CCDC15: variants seen among roughly 807,000 people sequenced by gnomAD.
CCDC15 encodes the protein coiled-coil domain-containing protein 15.
A neutral mutation model predicts 114.5 loss-of-function variants in CCDC15; 105 were observed. That is an observed-to-expected ratio of 0.92 (90% CI 0.78 to 1.08). The LOEUF (loss-of-function observed/expected upper bound fraction) is 1.08, where lower values mean the gene tolerates loss of function less well. Ranked by LOEUF, CCDC15 falls within the 50% of genes least tolerant of loss-of-function variation. CCDC15 has a pLI of 0.00. For missense variants in CCDC15, 1,105 were observed against 1,093.6 expected, an observed-to-expected ratio of 1.01 and a Z score of -0.15; for synonymous variants, 334 against 377.8, an observed-to-expected ratio of 0.88 and a Z score of 1.34.
At chr11:124,962,677 C>A (rs928958503) in intron 4 of CCDC15, among the ~76,000 whole-genome samples, 2 of 148,758 alleles carry the variant, frequency 1.3e-5, no homozygotes. Context: ...ACTTTAAATT[C>A]TAGGGTGCAT....
chr11:125,011,657 G>A (rs4353290), intron 13 of CCDC15, among the ~76,000 whole-genome samples: 127,053 of 152,220 alleles, frequency 0.83, 53,624 homozygotes, highest in African/African-American at 0.96. Context: ...TCATTTATTT[G>A]TAGTTTATTC....
At chr11:124,954,702 G>C (rs941909207) in intron 1 of CCDC15, 22 bp from the exon 2 acceptor site, 3 of 1,609,004 alleles carry the variant, frequency 1.9e-6, no homozygotes, top group Non-Finnish European at 2.6e-6. Context: ...AAGATTTTAA[G>C]CTTTTTCTTT....
chr11:125,011,245 A>ATT lies in CCDC15; in HGVS notation c.2411+6034_2411+6035dup, dbSNP rs774447198. Among the ~76,000 whole-genome samples the ATT allele has an allele frequency of 1.9e-4, 28 of 146,440 alleles. 1 individual carries two copies. The highest frequency in any genetic ancestry group is 6.3e-4 in the African/African-American group (25 of 39,646). ...TATTATTATTATTATTATTATTATTATTATTTTTTAAGATGGAGTTTCACT... is the reference window on the plus strand; with the variant it reads ...TATTATTATTATTATTATTATTATTATTTTATTTTTTAAGATGGAGTTTCACT... On this transcript the variant is annotated intron_variant, in intron 13 of 15. Transcript: ENST00000344762.
At position 125,038,966 on chromosome 11, in the gene CCDC15, G is replaced by T; in HGVS notation, c.2631G>T (p.Leu877=). The T allele has an allele frequency of 6.2e-7, 1 of 1,613,478 alleles. No homozygotes were observed. The highest frequency in any genetic ancestry group is 8.5e-7 in the Non-Finnish European group (1 of 1,179,574). The change falls in exon 15 of 16, where the codon CTG becomes CTT. Residue 877 remains leucine, a synonymous_variant. Coordinates refer to ENST00000344762, the MANE Select transcript of CCDC15 (RefSeq NM_025004.3). The part of the protein sequence containing the change: ...LRAQIQEKMQ[L]YNITLPPLCC... Reference sequence around the variant, plus strand: ...CCCAAATCCAGGAGAAAATGCAGCTGTATAATATTACTTTACCTCCACTAT... The same window carrying T: ...CCCAAATCCAGGAGAAAATGCAGCTTTATAATATTACTTTACCTCCACTAT...
intron 13 of CCDC15, among the ~76,000 whole-genome samples, chr11:125,031,535 T>A (rs1948739286): frequency 6.6e-6 from 1 of 152,164 alleles, no homozygotes; most frequent in African/African-American, 2.4e-5. Flanking sequence ...GCAGTTCAGG[T>A]TGCATGATAA....
chr11:125,014,735 A>G (rs866995467), intron 13 of CCDC15, among the ~76,000 whole-genome samples: 3 of 152,232 alleles, frequency 2.0e-5, no homozygotes, highest in Non-Finnish European at 4.4e-5. Flanking sequence ...TATTAGTATC[A>G]TATGTAGAAA....
At chr11:125,033,947 G>A (rs1948757985) in intron 13 of CCDC15, among the ~76,000 whole-genome samples, 1 of 152,122 alleles carries the variant, frequency 6.6e-6, no homozygotes, top group South Asian at 2.1e-4. Flanking sequence ...TTCTTTTTGA[G>A]TGTAGCACAT....
At chr11:125,037,045 A>G (rs1948780110) in intron 13 of CCDC15, among the ~76,000 whole-genome samples, 1 of 151,946 alleles carries the variant, frequency 6.6e-6, no homozygotes, top group Non-Finnish European at 1.5e-5. Context: ...TGTTCACTGG[A>G]GTCTGGGCTT....
At chr11:125,029,852 C>T (rs746740923) in intron 13 of CCDC15, among the ~76,000 whole-genome samples, 4 of 152,122 alleles carry the variant, frequency 2.6e-5, no homozygotes, top group Non-Finnish European at 4.4e-5. Flanking sequence ...TAAGAGATGC[C>T]GTAATGGACC....
chr11:125,032,569 A>T (rs1040697563), intron 13 of CCDC15, among the ~76,000 whole-genome samples: 2 of 152,234 alleles, frequency 1.3e-5, no homozygotes, highest in African/African-American at 4.8e-5. Flanking sequence ...TCGAGTCCTT[A>T]TGGTGGCACT....
chr11:125,034,942 G>A (rs1159924525), intron 13 of CCDC15, among the ~76,000 whole-genome samples: 1 of 151,822 alleles, frequency 6.6e-6, no homozygotes, highest in African/African-American at 2.4e-5. Flanking sequence ...TATATATATG[G>A]GAGTTTATTA....
At chr11:124,973,187 A>C (rs1947912693) in intron 4 of CCDC15, among the ~76,000 whole-genome samples, 1 of 152,154 alleles carries the variant, frequency 6.6e-6, no homozygotes, top group Admixed American at 6.5e-5. Context: ...AGGGCCTATA[A>C]TCAATGTGAC....
At chr11:125,011,668 G>A (rs886192683) in intron 13 of CCDC15, among the ~76,000 whole-genome samples, 3 of 152,048 alleles carry the variant, frequency 2.0e-5, no homozygotes, top group Non-Finnish European at 2.9e-5. Flanking sequence ...TAGTTTATTC[G>A]TGGGATAACT....
chr11:124,963,155 C>T (rs867892931), intron 4 of CCDC15, among the ~76,000 whole-genome samples: 9 of 152,198 alleles, frequency 5.9e-5, no homozygotes, highest in Middle Eastern at 3.4e-3. Flanking sequence ...GGGTATATAC[C>T]AAGTAATGAG....
chr11:124,967,124 T>C (rs182161240), intron 4 of CCDC15, among the ~76,000 whole-genome samples: 18 of 152,330 alleles, frequency 1.2e-4, no homozygotes, highest in African/African-American at 4.1e-4. Context: ...TTGGGGTTGC[T>C]CTTCTCGAGG....
At chr11:125,005,079 A>G in intron 12 of CCDC15, 30 bp from the exon 13 acceptor site, 2 of 997,996 alleles carry the variant, frequency 2.0e-6, no homozygotes, top group South Asian at 1.7e-5. Flanking sequence ...TGAAAGCAGA[A>G]TCTTAGTAAT....
At chr11:125,010,104 G>T (rs12798514) in intron 13 of CCDC15, among the ~76,000 whole-genome samples, 30,846 of 152,130 alleles carry the variant, frequency 0.2, 3,713 homozygotes, top group African/African-American at 0.33. Context: ...GCTTTCCACA[G>T]TGGCTGAACT....
intron 11 of CCDC15, among the ~76,000 whole-genome samples, chr11:124,995,922 C>T (rs1317639734): frequency 1.3e-5 from 2 of 151,960 alleles, no homozygotes; most frequent in South Asian, 2.1e-4. Context: ...CTCCGCCTCC[C>T]GGGTTCAAGT....
rs115599661 is a variant in CCDC15, at chr11:125,027,973, G to A, written c.2412-10458G>A. On this transcript the variant is annotated intron_variant, in intron 13 of 15. Coordinates refer to ENST00000344762, the MANE Select transcript of CCDC15 (RefSeq NM_025004.3). Reference sequence around the variant, plus strand: ...TGTATGGCTTGCCAGTTATTCCAACGCAATTTACTGAACAGGGTGTCCTTA... The same window carrying A: ...TGTATGGCTTGCCAGTTATTCCAACACAATTTACTGAACAGGGTGTCCTTA... 1.1e-3 allele frequency among the ~76,000 whole-genome samples: 173 copies of A among 152,046 alleles called. 1 individual carries two copies. The highest frequency in any genetic ancestry group is 3.9e-3 in the African/African-American group (164 of 41,524).
Sources: allele counts gnomAD v4.1 joint callset (sites outside exome capture counted in the v4.1 genomes callset), GRCh38; gene constraint gnomAD v4.1.1; transcripts MANE v1.5; gene names NCBI Gene and HGNC (gene_info 2026-07-23, HGNC 2026-07-21).